Variants in KIAA1549 observed in about 807,000 individuals in gnomAD.
The protein encoded by KIAA1549 is UPF0606 protein KIAA1549.
In KIAA1549, 70 loss-of-function variants were observed where a neutral mutation model predicts 156.4. That is an observed-to-expected ratio of 0.45 (90% CI 0.37 to 0.55). The LOEUF (loss-of-function observed/expected upper bound fraction) is 0.55, where lower values mean the gene tolerates loss of function less well. Ranked by LOEUF, KIAA1549 falls within the 20% of genes least tolerant of loss-of-function variation. The pLI, the probability that KIAA1549 is intolerant of heterozygous loss-of-function variation, is 0.00. For missense variants in KIAA1549, 2,428 were observed against 2,540.9 expected (o/e 0.96, Z 0.96); for synonymous variants, 1,103 against 1,066.4 (o/e 1.03, Z -0.67).
rs1809612133 is a variant in KIAA1549 at position 138,833,671 on chromosome 7, A to G, written c.*4235T>C. On this transcript the variant is annotated 3_prime_UTR_variant, in exon 20 of 20. Transcript: ENST00000422774. ...TATATATATAGATAGATAGACAGAT[A>G]CATAGACAGACAGACAGATAGATAA... 8.6e-6 allele frequency: 2 copies of G among 232,834 alleles called. No individual in the cohort carries two copies. Among genetic ancestry groups the G allele is most frequent in the Non-Finnish European group, 1.7e-5 (2 of 117,868 alleles). The allele number at this position is 232,834 out of a possible 1,614,324, so 14.4% of individuals were successfully genotyped here.
chr7:138,910,337 A>C (rs938255728), intron 4 of KIAA1549, among the ~76,000 whole-genome samples: 1 of 152,018 alleles, frequency 6.6e-6, no homozygotes, highest in East Asian at 1.9e-4. Flanking sequence ...CAGGAGTTCA[A>C]CACCAGTCTG....
At chr7:138,894,789 T>C (rs1056151561) in intron 9 of KIAA1549, among the ~76,000 whole-genome samples, 1 of 152,210 alleles carries the variant, frequency 6.6e-6, no homozygotes, top group Non-Finnish European at 1.5e-5. Flanking sequence ...GCTCAGTTAA[T>C]TCCAGGTCTC....
intron 1 of KIAA1549, among the ~76,000 whole-genome samples, chr7:138,959,168 G>A (rs1015877128): frequency 5.3e-5 from 8 of 152,172 alleles, no homozygotes; most frequent in Admixed American, 5.2e-4. Context: ...CCAAAGTGCT[G>A]AGACAAAAGT....
At chr7:138,880,942 A>C (rs1418247072) in intron 11 of KIAA1549, among the ~76,000 whole-genome samples, 1 of 152,236 alleles carries the variant, frequency 6.6e-6, no homozygotes, top group East Asian at 1.9e-4. Context: ...ACCTGCAGGC[A>C]AAGCAATGAA....
At chr7:138,924,699 A>G (rs904803051) in intron 1 of KIAA1549, among the ~76,000 whole-genome samples, 1 of 152,166 alleles carries the variant, frequency 6.6e-6, no homozygotes, top group Non-Finnish European at 1.5e-5. Context: ...CAGGAGGGAC[A>G]AAGCGGCTGC....
rs1812299888 is a variant in KIAA1549 at position 138,915,766 on chromosome 7, A to G, written c.2878+982T>C. 2.6e-5 allele frequency among the ~76,000 whole-genome samples: 4 copies of G among 152,192 alleles called. No individual in the cohort carries two copies. The South Asian group carries it at 8.3e-4, about 32-fold the overall frequency. On this transcript the variant is annotated intron_variant, in intron 2 of 19. Transcript: ENST00000422774. ...TCCACTCCTACCAAAATCAAAACAGAGGACAGGCTGCTCGTCACCACCAGG... is the reference window on the plus strand; with the variant it reads ...TCCACTCCTACCAAAATCAAAACAGGGGACAGGCTGCTCGTCACCACCAGG...
In KIAA1549 at chr7:138,918,102, A is replaced by G. The variant is rs376015144; in HGVS notation, c.1524T>C (p.Ser508=). 2.5e-6 allele frequency: 4 copies of G among 1,613,988 alleles called. No homozygotes were observed. In the African/African-American group the frequency reaches 5.3e-5, roughly 22 times the overall value. Residue 508 remains serine (S), a synonymous_variant, in exon 2 of 20, where the codon TCT becomes TCC. Transcript: ENST00000422774. This position sits in a 1 kb window ranked among gnomAD's most constrained non-coding sequence, Gnocchi z 4.2. ...TAACACTACTCATATCCACCTCGGC[A>G]GAAATGCCAACACTCGTCTCTGAGA... ...MEISETSVGI[S]AEVDMSSVTT...
intron 16 of KIAA1549, among the ~76,000 whole-genome samples, chr7:138,854,692 A>G (rs1810333367): frequency 6.6e-6 from 1 of 152,216 alleles, no homozygotes; most frequent in South Asian, 2.1e-4. Context: ...GTTTTCCACT[A>G]GATTAAGCTG....
rs772855702 is a variant in KIAA1549, at chr7:138,838,142, G to C, written c.5617C>G (p.Gln1873Glu). 3 of 1,493,304 alleles carry C rather than the reference G, an allele frequency of 2.0e-6. No homozygotes were observed. The highest frequency in any genetic ancestry group is 2.7e-6 in the Non-Finnish European group (3 of 1,127,362). The allele number at this position is 1,493,304 out of a possible 1,614,324, so 92.5% of individuals were successfully genotyped here. ...AATAGCGGTGAAGAAGAATACTCTT[G>C]ATGTCCGAGCATGTGTGTCTGAAAA... The part of the protein sequence containing the change: ...RREATHMLGH[Q>E]EYSSSPLFQV... Residue 1873 changes from glutamine (Q) to glutamate (E), a missense_variant, in exon 20 of 20, where the codon CAA becomes GAA. This residue lies in a region of KIAA1549 where 363 missense variants were observed against 354.0 expected (regional missense o/e 1.03). Transcript: ENST00000422774.
chr7:138,930,522 C>T (rs1294018828), intron 1 of KIAA1549, among the ~76,000 whole-genome samples: 6 of 152,224 alleles, frequency 3.9e-5, no homozygotes, highest in Non-Finnish European at 8.8e-5. Flanking sequence ...TACCTAAATC[C>T]TCCGGATAAT....
rs1563043087 is a variant in KIAA1549, at chr7:138,838,127, A to G, written c.5632T>C (p.Ser1878Pro). 3 of 1,522,960 alleles carry G rather than the reference A, an allele frequency of 2.0e-6. No individual in the cohort carries two copies. The highest frequency in any genetic ancestry group is 3.4e-4 in the Middle Eastern group (2 of 5,822). The allele number at this position is 1,522,960 out of a possible 1,614,324, so 94.3% of individuals were successfully genotyped here. Residue 1878 changes from serine (S) to proline (P), a missense_variant, in exon 20 of 20, where the codon TCA (serine) becomes CCA (proline). Transcript: ENST00000422774. ...HMLGHQEYSS[S>P]PLFQVPRTSG... ...GTCCTTGGCACCTGAAATAGCGGTG[A>G]AGAAGAATACTCTTGATGTCCGAGC...
intron 8 of KIAA1549, 52 bp downstream of exon 8, chr7:138,903,536 G>T: frequency 1.3e-6 from 2 of 1,578,488 alleles, no homozygotes; most frequent in Middle Eastern, 3.4e-4. Context: ...TCACACGCAA[G>T]CGCTGTCTCT....
intron 10 of KIAA1549, among the ~76,000 whole-genome samples, chr7:138,888,435 T>C (rs1385857779): frequency 6.6e-6 from 1 of 152,238 alleles, no homozygotes; most frequent in Non-Finnish European, 1.5e-5. Context: ...AGTCACTTGT[T>C]CACTGGTCCA....
intron 18 of KIAA1549, among the ~76,000 whole-genome samples, chr7:138,841,107 T>C (rs1459859573): frequency 1.3e-5 from 2 of 152,194 alleles, no homozygotes; most frequent in Non-Finnish European, 2.9e-5. Context: ...CATTCATCTC[T>C]GTGGCAGTTA....
chr7:138,969,531 T>C (rs980593197), intron 1 of KIAA1549, among the ~76,000 whole-genome samples: 1 of 152,220 alleles, frequency 6.6e-6, no homozygotes, highest in African/African-American at 2.4e-5. Context: ...ATTTGTTTAT[T>C]TTCAATTTTG....
intron 10 of KIAA1549, among the ~76,000 whole-genome samples, chr7:138,892,936 GA>G (rs541252251): frequency 3.0e-3 from 454 of 152,246 alleles, no homozygotes; most frequent in Middle Eastern, 6.8e-3. Flanking sequence ...GAGACCCACG[GA>G]AAGTGCATGT....
At chr7:138,869,841 T>C (rs1810876088) in intron 13 of KIAA1549, 80 bp from the exon 14 acceptor site, 1 of 945,540 alleles carries the variant, frequency 1.1e-6, no homozygotes, top group Non-Finnish European at 1.6e-6. Context: ...AAAGTCTTTA[T>C]TTATTTTTAT....
intron 6 of KIAA1549, among the ~76,000 whole-genome samples, chr7:138,906,507 T>TA (rs1812009413): frequency 6.6e-6 from 1 of 152,182 alleles, no homozygotes. Flanking sequence ...AAAACTTCAC[T>TA]AAAAAAACTC....
At chr7:138,857,550 C>T (rs1321946059) in intron 16 of KIAA1549, among the ~76,000 whole-genome samples, 1 of 152,236 alleles carries the variant, frequency 6.6e-6, no homozygotes, top group African/African-American at 2.4e-5. Flanking sequence ...TGCTATTTTA[C>T]ATTCCCACCA....
Sources: gnomAD v4.1 joint callset for allele counts (sites outside exome capture counted in the v4.1 genomes callset) on GRCh38, gnomAD v4.1.1 for gene constraint, gnomAD v4.1.1 regional missense constraint, Gnocchi (gnomAD v3.1) non-coding constraint, MANE v1.5 for transcripts, NCBI Gene and HGNC (gene_info 2026-07-23, HGNC 2026-07-21) for gene names.